SYCP2: variants seen among roughly 807,000 people sequenced by gnomAD.
SYCP2 encodes synaptonemal complex protein 2, also known as synaptonemal complex lateral element protein.
A neutral mutation model predicts 211.3 loss-of-function variants in SYCP2; 55 were observed. The observed-to-expected ratio is 0.26, with a 90% confidence interval of 0.21 to 0.33. SYCP2 has a LOEUF of 0.33. SYCP2 is among the 10% of genes least tolerant of loss of function. The pLI is 1.00. For synonymous variants in SYCP2, 570 were observed against 555.2 expected, an observed-to-expected ratio of 1.03 and a Z score of -0.37; for missense variants, 1,731 against 1,752.0, an observed-to-expected ratio of 0.99 and a Z score of 0.21.
At chr20:59,906,768 CAT>C in intron 15 of SYCP2, among the ~76,000 whole-genome samples, 1 of 151,796 alleles carries the variant, frequency 6.6e-6, no homozygotes, top group East Asian at 1.9e-4. Context: ...AAACATAGAA[CAT>C]ATATATGTCA....
At chr20:59,874,209 G>A in intron 34 of SYCP2, 148 bp from the exon 35 acceptor site, 2 of 491,412 alleles carry the variant, frequency 4.1e-6, no homozygotes, top group Non-Finnish European at 7.0e-6. Flanking sequence ...AAAATATTAA[G>A]ACCAAGTTAT....
intron 20 of SYCP2, among the ~76,000 whole-genome samples, chr20:59,893,953 C>G (rs1003443604): frequency 1.3e-5 from 2 of 151,896 alleles, no homozygotes; most frequent in Non-Finnish European, 1.5e-5. Flanking sequence ...ATGGTCCATT[C>G]TTTCTTTCTT....
chr20:59,883,860 AC>A (rs1253179594), intron 26 of SYCP2, among the ~76,000 whole-genome samples: 2 of 152,018 alleles, frequency 1.3e-5, no homozygotes, highest in African/African-American at 4.8e-5. Context: ...AGTTTGTTGC[AC>A]CAACCTATTA....
chr20:59,909,902 T>G (rs1421672793), intron 14 of SYCP2, among the ~76,000 whole-genome samples: 1 of 152,222 alleles, frequency 6.6e-6, no homozygotes, highest in Non-Finnish European at 1.5e-5. Context: ...CTGAGAATAC[T>G]CTATGAGAAG....
rs543701986 is a variant in SYCP2, at chr20:59,868,771, T to C, written c.3832+64A>G. On this transcript the variant is annotated intron_variant, in intron 37 of 44. Transcript: ENST00000357552. Reference sequence around the variant, plus strand: ...TATGACTTAAAATACATAATTCCTTTAGTTGAAATGTCACGTAGCATTTCA... The same window carrying C: ...TATGACTTAAAATACATAATTCCTTCAGTTGAAATGTCACGTAGCATTTCA... 5.7e-6 allele frequency: 8 copies of C among 1,413,226 alleles called. No homozygotes were observed. The South Asian group carries it at 8.9e-5, about 16-fold the overall frequency. The allele number at this position is 1,413,226 out of a possible 1,614,324, so 87.5% of individuals were successfully genotyped here.
Position 59,921,435 on chromosome 20 carries a change from C to G in SYCP2, c.43G>C (p.Asp15His), listed in dbSNP as rs776282492. 6.2e-7 allele frequency: 1 copy of G among 1,601,874 alleles called. No homozygotes were observed. Residue 15 changes from aspartate to histidine, a missense_variant, in exon 4 of 45, where the codon GAT (aspartate) becomes CAT (histidine). By Grantham distance (81) the Asp-to-His change is moderately conservative. Transcript: ENST00000357552. ...PDLQQLEKCI[D>H]DALRKNDFKP... ...AAATCATTTTTTCTTAAAGCATCAT[C>G]AATGCATTTTTCCAACTGCTAGAGA...
chr20:59,920,527 A>C (rs200729104), intron 4 of SYCP2, 40 bp from the exon 5 acceptor site: 6 of 1,454,424 alleles, frequency 4.1e-6, no homozygotes, highest in Non-Finnish European at 5.7e-6. Context: ...TGTAAACACA[A>C]AACAGTATGA....
intron 34 of SYCP2, among the ~76,000 whole-genome samples, chr20:59,874,819 A>G (rs1253294929): frequency 6.6e-6 from 1 of 152,066 alleles, no homozygotes; most frequent in Admixed American, 6.6e-5. Flanking sequence ...TTTAAAAATA[A>G]AAGCATAACC....
chr20:59,922,946 CAT>C (rs1190178622), intron 2 of SYCP2, among the ~76,000 whole-genome samples: 1 of 151,872 alleles, frequency 6.6e-6, no homozygotes, highest in African/African-American at 2.4e-5. Flanking sequence ...AAATGCATTT[CAT>C]ATGTCCACAA....
chr20:59,903,099 G>A (rs1374382037), intron 15 of SYCP2, among the ~76,000 whole-genome samples: 2 of 151,950 alleles, frequency 1.3e-5, no homozygotes, highest in African/African-American at 2.4e-5. Context: ...GTGCCTATTT[G>A]TACAAAAATT....
At chr20:59,874,562 G>T (rs139781652) in intron 34 of SYCP2, among the ~76,000 whole-genome samples, 2 of 152,060 alleles carry the variant, frequency 1.3e-5, no homozygotes, top group South Asian at 4.1e-4. Context: ...CTGAGTATGC[G>T]CTTATGTGAA....
intron 7 of SYCP2, 71 bp from the exon 8 acceptor site, chr20:59,916,642 AGAGT>A: frequency 9.2e-7 from 1 of 1,088,956 alleles, no homozygotes; most frequent in Non-Finnish European, 1.4e-6. Context: ...TTTTCTTATA[AGAGT>A]TAGTGGAAAG....
At chr20:59,915,862 C>G (rs528643893) in intron 8 of SYCP2, among the ~76,000 whole-genome samples, 102 of 152,166 alleles carry the variant, frequency 6.7e-4, no homozygotes, top group African/African-American at 2.3e-3. Context: ...GGCATGGTAA[C>G]ACGTGCCTGT....
chr20:59,932,554 G>T (rs1197692336), intron 1 of SYCP2, among the ~76,000 whole-genome samples: 1 of 152,112 alleles, frequency 6.6e-6, no homozygotes, highest in African/African-American at 2.4e-5. Flanking sequence ...GCGCCAAGTA[G>T]TCCCAGTTAC....
chr20:59,865,536 CAA>C, intron 43 of SYCP2, 35 bp downstream of exon 43: 1 of 1,574,974 alleles, frequency 6.3e-7, no homozygotes, highest in Non-Finnish European at 8.7e-7. Flanking sequence ...TTTTTGTAAT[CAA>C]GAGAGGTAAC....
intron 36 of SYCP2, among the ~76,000 whole-genome samples, chr20:59,869,463 T>C (rs144247017): frequency 1.5e-4 from 23 of 151,890 alleles, no homozygotes; most frequent in African/African-American, 5.3e-4. Flanking sequence ...TATTGATGGA[T>C]GGATGGGCTT....
chr20:59,882,073 A>G, intron 27 of SYCP2, 22 bp downstream of exon 27: 1 of 1,610,026 alleles, frequency 6.2e-7, no homozygotes, highest in South Asian at 1.1e-5. Context: ...AGAAAATGAA[A>G]AATATTACAA....
intron 15 of SYCP2, among the ~76,000 whole-genome samples, chr20:59,905,616 A>G (rs2060199575): frequency 6.6e-6 from 1 of 152,188 alleles, no homozygotes; most frequent in South Asian, 2.1e-4. Flanking sequence ...GGATGGATAG[A>G]TTAAAAGAAG....
chr20:59,896,004 TTAAA>T (rs1165438853), intron 19 of SYCP2, among the ~76,000 whole-genome samples: 1 of 152,064 alleles, frequency 6.6e-6, no homozygotes, highest in Admixed American at 6.6e-5. Flanking sequence ...AGGTAACTTA[TTAAA>T]TGAGTGATTT....
Sources: gnomAD v4.1 joint callset for allele counts (sites outside exome capture counted in the v4.1 genomes callset) on GRCh38, gnomAD v4.1.1 for gene constraint, MANE v1.5 for transcripts, NCBI Gene and HGNC (gene_info 2026-07-23, HGNC 2026-07-21) for gene names.